Variants in UAP1 observed in about 807,000 individuals in gnomAD.
UAP1 encodes the protein UDP-N-acetylglucosamine pyrophosphorylase 1.
A neutral mutation model predicts 58.5 loss-of-function variants in UAP1; 25 were observed. That is an observed-to-expected ratio of 0.43 (90% CI 0.31 to 0.60). UAP1 has a LOEUF of 0.60. Ranked by LOEUF, UAP1 falls within the 20% of genes least tolerant of loss-of-function variation. The pLI, the probability that UAP1 is intolerant of heterozygous loss-of-function variation, is 0.11. For synonymous variants in UAP1, 208 were observed against 213.0 expected (o/e 0.98, Z 0.21); for missense variants, 575 against 630.0 (o/e 0.91, Z 0.93).
downstream of UAP1, among the ~76,000 whole-genome samples, chr1:162,600,165 G>T (rs1253696579): frequency 1.3e-5 from 2 of 152,202 alleles, no homozygotes; most frequent in Non-Finnish European, 2.9e-5. Flanking sequence ...GCACAGGATG[G>T]TCTCCTACGA....
intron 10 of UAP1, 73 bp from the exon 11 acceptor site, chr1:162,599,198 C>A: frequency 1.1e-6 from 1 of 906,682 alleles, no homozygotes; most frequent in Non-Finnish European, 1.7e-6. Flanking sequence ...TTTAAATCAT[C>A]ATTATAGCAA....
chr1:162,589,601 C>T (rs888513525), intron 7 of UAP1, among the ~76,000 whole-genome samples: 12 of 152,008 alleles, frequency 7.9e-5, no homozygotes, highest in African/African-American at 2.9e-4. Flanking sequence ...GATTATATAG[C>T]TCTCTATAAA....
chr1:162,599,237 T>G, intron 10 of UAP1, 34 bp from the exon 11 acceptor site: 2 of 1,515,880 alleles, frequency 1.3e-6, no homozygotes, highest in Non-Finnish European at 1.8e-6. Flanking sequence ...AGTGCAAATT[T>G]TCTAATTGTG....
chr1:162,587,794 T>A (rs1310372861), intron 6 of UAP1, 126 bp downstream of exon 6: 1 of 912,346 alleles, frequency 1.1e-6, no homozygotes, highest in African/African-American at 1.7e-5. Flanking sequence ...GGATCACTTA[T>A]CAAATGGACA....
chr1:162,583,146 C>CTTTTTTTTTTTTTTTTTTTTTTTTTTTT (rs11376471), intron 5 of UAP1, among the ~76,000 whole-genome samples: 1 of 68,044 alleles, frequency 1.5e-5, no homozygotes. Context: ...TGGTGTCACT[C>CTTTTTTTTTTTTTTTTTTTTTTTTTTTT]TTTTTTTTTT....
At position 162,571,575 on chromosome 1, in the gene UAP1, G is replaced by A. The variant is rs577324158; in HGVS notation, c.281-5202G>A. Among the ~76,000 whole-genome samples the A allele has an allele frequency of 1.6e-3, 236 of 152,238 alleles. 1 individual carries two copies. The highest frequency in any genetic ancestry group is 5.3e-3 in the African/African-American group (222 of 41,534). On this transcript the variant is annotated intron_variant, in intron 2 of 10. Transcript: ENST00000271469. ...GTTTTTCAGTATTTCTGCAGAGGTA[G>A]CTTTAGGATAGAAATTTATAATTTC...
chr1:162,578,109 T>G (rs1230483023), intron 3 of UAP1, among the ~76,000 whole-genome samples: 1 of 152,182 alleles, frequency 6.6e-6, no homozygotes, highest in Non-Finnish European at 1.5e-5. Context: ...AGCTCTTTAG[T>G]CTCTTTCCCC....
chr1:162,589,259 A>T (rs1655148823), intron 7 of UAP1, among the ~76,000 whole-genome samples: 1 of 128,558 alleles, frequency 7.8e-6, no homozygotes, highest in African/African-American at 3.0e-5. Context: ...ATATATAAAT[A>T]TATATTTATT....
intron 5 of UAP1, among the ~76,000 whole-genome samples, 170 bp from the exon 6 acceptor site, chr1:162,587,305 C>T (rs1043559698): frequency 1.3e-5 from 2 of 152,108 alleles, no homozygotes; most frequent in African/African-American, 4.8e-5. Context: ...TTGGAAAGTG[C>T]CTGTCAAGGT....
At chr1:162,580,800 C>T (rs979582524) in intron 4 of UAP1, among the ~76,000 whole-genome samples, 2 of 152,100 alleles carry the variant, frequency 1.3e-5, no homozygotes, top group Admixed American at 1.3e-4. Context: ...ATTTATATCT[C>T]GTTTAAATCA....
intron 5 of UAP1, among the ~76,000 whole-genome samples, chr1:162,583,800 C>A (rs529439892): frequency 6.6e-6 from 1 of 151,928 alleles, no homozygotes; most frequent in Non-Finnish European, 1.5e-5. Context: ...GTTAATTTTT[C>A]TGGGTCTTTT....
chr1:162,583,921 T>C lies in UAP1; in HGVS notation c.834+2462T>C, dbSNP rs1191458630. On this transcript the variant is annotated intron_variant, in intron 5 of 10. Coordinates refer to ENST00000271469, the Ensembl canonical transcript of UAP1. ...TCCCAAAGTGCTGGGATTACAGGCG[T>C]GAGCCACTGCACCCGGCCAGAGTTC... Among the ~76,000 whole-genome samples, 3 of 152,358 alleles carry C rather than the reference T, an allele frequency of 2.0e-5. No homozygotes were observed. The East Asian group carries it at 5.8e-4, about 29-fold the overall frequency.
intron 6 of UAP1, 145 bp downstream of exon 6, chr1:162,587,813 A>C (rs898283475): frequency 4.0e-5 from 32 of 796,022 alleles, no homozygotes; most frequent in Non-Finnish European, 5.7e-5. Context: ...CATTTATCTC[A>C]TGTTGTGATT....
intron 5 of UAP1, among the ~76,000 whole-genome samples, chr1:162,585,907 A>G (rs1654880198): frequency 6.6e-6 from 1 of 152,180 alleles, no homozygotes; most frequent in African/African-American, 2.4e-5. Context: ...AGAATTGTAA[A>G]TAGGCCCATG....
Position 162,574,024 on chromosome 1 carries a change from C to T in UAP1, c.281-2753C>T, listed in dbSNP as rs147496335. Among the ~76,000 whole-genome samples, 406 of 150,554 alleles carry T rather than the reference C, an allele frequency of 2.7e-3. 1 individual carries two copies. The highest frequency in any genetic ancestry group is 9.7e-3 in the African/African-American group (399 of 41,076). On this transcript the variant is annotated intron_variant, in intron 2 of 10. Coordinates refer to ENST00000271469, the Ensembl canonical transcript of UAP1. ...GAATAATGTTCTTGGACTATACTTA[C>T]TAATAAAGGAAAAATAGAGTCAGAA...
At position 162,584,717 on chromosome 1, in the gene UAP1, A is replaced by C. The variant is rs547153936; in HGVS notation, c.835-2758A>C. ...AGGCTGGTCTTGAAATCCTGGGCTC[A>C]GGTGATCTGCCTGCCTGAGCCTTCC... On this transcript the variant is annotated intron_variant, in intron 5 of 10. Transcript: ENST00000271469. Among the ~76,000 whole-genome samples, 10 of 152,188 alleles carry C rather than the reference A, an allele frequency of 6.6e-5. No individual in the cohort carries two copies. In the South Asian group the frequency reaches 1.5e-3, roughly 22 times the overall value.
At chr1:162,599,397 A>G (rs752120249) in exon 11 of UAP1, 1 of 1,438,516 alleles carries the variant, frequency 7.0e-7, no homozygotes, top group African/African-American at 1.4e-5. Context: ...CACGATAGGA[A>G]TAGCTTTTAT....
chr1:162,565,013 C>T (rs1653401538), intron 1 of UAP1, among the ~76,000 whole-genome samples: 1 of 152,116 alleles, frequency 6.6e-6, no homozygotes, highest in Non-Finnish European at 1.5e-5. Context: ...GGACTACAGG[C>T]ATATGTTACC....
At position 162,566,127 on chromosome 1, in the gene UAP1, G is replaced by A. The variant is rs750635643; in HGVS notation, c.59G>A (p.Arg20His). Residue 20 changes from arginine to histidine, a missense_variant, in exon 2 of 11, where the codon CGT becomes CAT. By Grantham distance (29) the Arg-to-His change is conservative. Coordinates refer to ENST00000271469, the Ensembl canonical transcript of UAP1. Reference sequence around the variant, plus strand: ...AAAGCTGGGCAAGAGCACCTACTACGTTTCTGGAATGAGCTTGAAGAAGCC... The same window carrying A: ...AAAGCTGGGCAAGAGCACCTACTACATTTCTGGAATGAGCTTGAAGAAGCC... 2 of 1,613,124 alleles carry A rather than the reference G, an allele frequency of 1.2e-6. No homozygotes were observed. Among genetic ancestry groups the A allele is most frequent in the Non-Finnish European group, 8.5e-7 (1 of 1,180,034 alleles).
Sources: gnomAD v4.1 joint callset for allele counts (sites outside exome capture counted in the v4.1 genomes callset) on GRCh38, gnomAD v4.1.1 for gene constraint, MANE v1.5 for transcripts, NCBI Gene and HGNC (gene_info 2026-07-23, HGNC 2026-07-21) for gene names.